Variants in PRG3 observed in about 807,000 individuals in gnomAD.
The protein encoded by PRG3 is proteoglycan 3.
In PRG3, 25 loss-of-function variants were observed where a neutral mutation model predicts 26.1. The observed-to-expected ratio is 0.96, with a 90% confidence interval of 0.70 to 1.34. The LOEUF is 1.34. Among genes scored for constraint, PRG3 ranks in the 40% most tolerant of loss-of-function variants. The pLI, the probability that PRG3 is intolerant of heterozygous loss-of-function variation, is 0.00. For missense variants in PRG3, 280 were observed against 264.8 expected (o/e 1.06, Z -0.40); for synonymous variants, 111 against 100.4 (o/e 1.11, Z -0.63).
At position 57,378,773 on chromosome 11, in the gene PRG3, T is replaced by G; in HGVS notation, c.415A>C (p.Ile139Leu). The change falls in exon 4 of 6, where the codon ATC (isoleucine) becomes CTC (leucine). Residue 139 changes from isoleucine (I) to leucine (L), a missense_variant. By Grantham distance (5) the Ile-to-Leu change is conservative (BLOSUM62 2). Transcript: ENST00000287143. Reference sequence around the variant, plus strand: ...CGATAGTTGAAGTTGAAGTCATGGATAGAGACAAGGTTGCCTCCGTAGCAT... The same window carrying G: ...CGATAGTTGAAGTTGAAGTCATGGAGAGAGACAAGGTTGCCTCCGTAGCAT... ...SRCYGGNLVS[I>L]HDFNFNYRIQ... The G allele has an allele frequency of 6.2e-7, 1 of 1,613,802 alleles. No homozygotes were observed. The highest frequency in any genetic ancestry group is 8.5e-7 in the Non-Finnish European group (1 of 1,179,940).
Position 57,379,687 on chromosome 11 carries a change from C to G in PRG3, c.182G>C (p.Gly61Ala), listed in dbSNP as rs138268167. 2.5e-6 allele frequency: 4 copies of G among 1,614,002 alleles called. No homozygotes were observed. The African/African-American group carries it at 5.3e-5, about 22-fold the overall frequency. ...ACAGGCAGAAGCCTTGACCTCCTCT[C>G]CCTCTGCCTGAATCACCTCCTCCGT... is the stretch of plus-strand genomic sequence containing the variant. ...ALTEEVIQAE[G>A]EEVKASACQD... The change falls in exon 3 of 6, where the codon GGA (glycine) becomes GCA (alanine). Residue 61 changes from glycine (G) to alanine (A), a missense_variant. Gly to Ala is a moderately conservative substitution (Grantham distance 60). Transcript: ENST00000287143.
chr11:57,377,653 C>T, intron 5 of PRG3, 72 bp downstream of exon 5: 1 of 1,277,164 alleles, frequency 7.8e-7, no homozygotes, highest in East Asian at 2.5e-5. Flanking sequence ...TGTGTTCAGG[C>T]AGCTCAAAGG....
At chr11:57,377,621 G>A in intron 5 of PRG3, 104 bp downstream of exon 5, 1 of 925,670 alleles carries the variant, frequency 1.1e-6, no homozygotes, top group Non-Finnish European at 1.6e-6. Context: ...TCAGTCAGCG[G>A]GAGGGTCTGA....
chr11:57,378,517 G>A (rs1856965215), intron 4 of PRG3, among the ~76,000 whole-genome samples, 164 bp downstream of exon 4: 1 of 152,228 alleles, frequency 6.6e-6, no homozygotes, highest in African/African-American at 2.4e-5. Flanking sequence ...GGTAAGAGAT[G>A]TGCACCATCA....
intron 1 of PRG3, 44 bp downstream of exon 1, chr11:57,381,070 A>C (rs1275962776): frequency 6.2e-6 from 1 of 161,396 alleles, no homozygotes; most frequent in Non-Finnish European, 1.3e-5. Flanking sequence ...GCTTCTTCCC[A>C]GGGCCTACAC....
chr11:57,380,073 T>C (rs1856983469), intron 2 of PRG3, among the ~76,000 whole-genome samples: 1 of 152,206 alleles, frequency 6.6e-6, no homozygotes. Flanking sequence ...CAGCCCTTCA[T>C]CTTAACAGGT....
At chr11:57,379,357 G>T in intron 3 of PRG3, 137 bp downstream of exon 3, 1 of 912,514 alleles carries the variant, frequency 1.1e-6, no homozygotes, top group Non-Finnish European at 1.7e-6. Context: ...CCAGAAAGCT[G>T]TGTTTTAACA....
intron 4 of PRG3, 139 bp downstream of exon 4, chr11:57,378,542 G>A (rs2134463448): frequency 1.7e-6 from 2 of 1,170,612 alleles, no homozygotes; most frequent in East Asian, 2.4e-5. Context: ...TCCTGAGCCA[G>A]TACAAGCCAT....
Position 57,379,792 on chromosome 11 carries a change from TG to T in PRG3, c.76del (p.His26IlefsTer5), listed in dbSNP as rs771236577. On this transcript the variant is annotated frameshift_variant, in exon 3 of 6. Transcript: ENST00000287143. LOFTEE classifies it high-confidence loss of function. ...SALHLENDAP[H>X]LESLETQADL... is the part of the protein sequence containing the mutation. The stretch of plus-strand genomic sequence containing the variant: ...TGCCTGTGTCTCTAGGCTCTCCAGA[TG>T]GGGGGCATCATTCTCTGGGAAGAAG... 5 of 1,607,982 alleles carry T rather than the reference TG, an allele frequency of 3.1e-6. No homozygotes were observed. Among genetic ancestry groups the T allele is most frequent in the Admixed American group, 1.7e-5 (1 of 59,546 alleles).
intron 2 of PRG3, among the ~76,000 whole-genome samples, chr11:57,380,316 C>T (rs938929982): frequency 2.0e-5 from 3 of 151,970 alleles, no homozygotes; most frequent in African/African-American, 7.3e-5. Context: ...AGAAGAATTG[C>T]TTGAACCCGG....
Position 57,380,649 on chromosome 11 carries a change from C to T in PRG3, c.60G>A (p.Leu20=). The change falls in exon 2 of 6, where the codon CTG becomes CTA. Residue 20 remains leucine (L), a splice_region_variant and synonymous_variant. Coordinates refer to ENST00000287143, the MANE Select transcript of PRG3 (RefSeq NM_006093.4). ...LLLGTVSALH[L]ENDAPHLESL... is the part of the protein sequence containing the mutation. ...TGAGGAGGGAAGGGAGAGACTTACCCAGATGAAGAGCAGAAACTGTTCCCA... is the reference window on the plus strand; with the variant it reads ...TGAGGAGGGAAGGGAGAGACTTACCTAGATGAAGAGCAGAAACTGTTCCCA... 1.3e-6 allele frequency: 2 copies of T among 1,574,866 alleles called. No homozygotes were observed. The highest frequency in any genetic ancestry group is 1.7e-6 in the Non-Finnish European group (2 of 1,164,276).
chr11:57,379,663 C>T lies in PRG3; in HGVS notation c.206G>A (p.Cys69Tyr), dbSNP rs1856979078. Residue 69 changes from cysteine (C) to tyrosine (Y), a missense_variant, in exon 3 of 6, where the codon TGT becomes TAT. Physicochemically the swap from Cys to Tyr is radical, Grantham distance 194 (BLOSUM62 -2). Coordinates refer to ENST00000287143, the MANE Select transcript of PRG3 (RefSeq NM_006093.4). The part of the protein sequence containing the change: ...AEGEEVKASA[C>Y]QDNFEDEEAM... Reference sequence around the variant, plus strand: ...TTCCTCATCCTCAAAGTTGTCTTGACAGGCAGAAGCCTTGACCTCCTCTCC... The same window carrying T: ...TTCCTCATCCTCAAAGTTGTCTTGATAGGCAGAAGCCTTGACCTCCTCTCC... 2 of 1,613,980 alleles carry T rather than the reference C, an allele frequency of 1.2e-6. No homozygotes were observed. The highest frequency in any genetic ancestry group is 2.2e-5 in the East Asian group (1 of 44,884).
At chr11:57,378,622 T>C (rs562137356) in intron 4 of PRG3, 59 bp downstream of exon 4, 2 of 1,587,778 alleles carry the variant, frequency 1.3e-6, no homozygotes, top group East Asian at 2.3e-5. Context: ...CACCATCAGA[T>C]GCTACTTTAA....
At position 57,380,628 on chromosome 11, in the gene PRG3, G is replaced by A. The variant is rs1315181204; in HGVS notation, c.61+20C>T. 1.3e-6 allele frequency: 2 copies of A among 1,555,834 alleles called. No individual in the cohort carries two copies. Among genetic ancestry groups the A allele is most frequent in the African/African-American group, 1.4e-5 (1 of 72,128 alleles). Reference sequence around the variant, plus strand: ...AGGAAAAAAGGGAAAGACGCATGAGGAGGGAAGGGAGAGACTTACCCAGAT... The same window carrying A: ...AGGAAAAAAGGGAAAGACGCATGAGAAGGGAAGGGAGAGACTTACCCAGAT... On this transcript the variant is annotated intron_variant, in intron 2 of 5. Coordinates refer to ENST00000287143, the MANE Select transcript of PRG3 (RefSeq NM_006093.4).
In PRG3 at chr11:57,378,677, T is replaced by A. The variant is rs368830057; in HGVS notation, c.507+4A>T. The stretch of plus-strand genomic sequence containing the variant: ...CTGCACCCAAGATTTGGCCCCTGAC[T>A]TACCCAGCCCCTGAGGTTGCCTCCA... On this transcript the variant is annotated splice_donor_region_variant and intron_variant, in intron 4 of 5. Transcript: ENST00000287143. 2.0e-5 allele frequency: 33 copies of A among 1,612,884 alleles called. No individual in the cohort carries two copies. The African/African-American group carries it at 4.3e-4, about 21-fold the overall frequency.
rs762308038 is a variant in PRG3, at chr11:57,377,732, G to A, written c.612C>T (p.Cys204=). 3 of 1,611,964 alleles carry A rather than the reference G, an allele frequency of 1.9e-6. No individual in the cohort carries two copies. Among genetic ancestry groups the A allele is most frequent in the Non-Finnish European group, 2.5e-6 (3 of 1,179,076 alleles). Residue 204 remains cysteine, a synonymous_variant, in exon 5 of 6, where the codon TGC becomes TGT. Transcript: ENST00000287143. ...GGTGCCCTTCCCCCTCACCTTTGGTGCATAGGGCCACACAGGAGCCTTGCC... is the reference window on the plus strand; with the variant it reads ...GGTGCCCTTCCCCCTCACCTTTGGTACATAGGGCCACACAGGAGCCTTGCC... The part of the protein sequence containing the change: ...GNGQGSCVAL[C]TKGGYWRRAQ...
Position 57,379,768 on chromosome 11 carries a change from G to T in PRG3, c.101C>A (p.Ala34Glu), listed in dbSNP as rs1565079587. The change falls in exon 3 of 6, where the codon GCA becomes GAA. Residue 34 changes from alanine to glutamate, a missense_variant. Transcript: ENST00000287143. ...APHLESLETQ[A>E]DLGQDLDSSK... The stretch of plus-strand genomic sequence containing the variant: ...ACTATCCAGATCCTGGCCTAGGTCT[G>T]CCTGTGTCTCTAGGCTCTCCAGATG... 1 of 1,613,656 alleles carries T rather than the reference G, an allele frequency of 6.2e-7. No individual in the cohort carries two copies. Among genetic ancestry groups the T allele is most frequent in the Non-Finnish European group, 8.5e-7 (1 of 1,179,862 alleles).
chr11:57,376,812 C>G lies in PRG3; in HGVS notation c.*38G>C. ...TTTATGAGCAGGAGAGGTTGGGGGA[C>G]GGGAGGGAGCTGCTGGCAGGGTCTC... On this transcript the variant is annotated 3_prime_UTR_variant, in exon 6 of 6. Coordinates refer to ENST00000287143, the MANE Select transcript of PRG3 (RefSeq NM_006093.4). 6.2e-7 allele frequency: 1 copy of G among 1,604,230 alleles called. No individual in the cohort carries two copies. Among genetic ancestry groups the G allele is most frequent in the East Asian group, 2.2e-5 (1 of 44,734 alleles).
intron 4 of PRG3, among the ~76,000 whole-genome samples, chr11:57,378,138 G>A (rs528841821): frequency 6.6e-6 from 1 of 152,270 alleles, no homozygotes; most frequent in South Asian, 2.1e-4. Context: ...AGCTCCCAGG[G>A]GATGGTGGTA....
Sources: gnomAD v4.1 joint callset for allele counts (sites outside exome capture counted in the v4.1 genomes callset) on GRCh38, gnomAD v4.1.1 for gene constraint, MANE v1.5 for transcripts, NCBI Gene and HGNC (gene_info 2026-07-23, HGNC 2026-07-21) for gene names.